Variants in ZDHHC11 observed in about 807,000 individuals in gnomAD.
ZDHHC11 encodes palmitoyltransferase ZDHHC11.
ZDHHC11 carries 44 observed loss-of-function variants against 51.3 expected under a neutral mutation model. The ratio of observed to expected loss-of-function variants is 0.86; its 90% CI spans 0.67 to 1.10. The LOEUF is 1.10. ZDHHC11 is among the 50% of genes least tolerant of loss of function. ZDHHC11 has a pLI of 0.00. For missense variants in ZDHHC11, 400 were observed against 537.7 expected (o/e 0.74, Z 2.53); for synonymous variants, 163 against 222.0 (o/e 0.73, Z 2.36).
intron 8 of ZDHHC11, among the ~76,000 whole-genome samples, chr5:822,961 G>A (rs1235032500): frequency 5.8e-4 from 87 of 150,104 alleles, no homozygotes; most frequent in Non-Finnish European, 9.7e-4. Flanking sequence ...GGTGAAGAAC[G>A]TGTTCAATCT....
intron 11 of ZDHHC11, among the ~76,000 whole-genome samples, chr5:808,725 T>G (rs1739651192): frequency 6.9e-6 from 1 of 144,414 alleles, no homozygotes; most frequent in African/African-American, 2.6e-5. Flanking sequence ...TTTGAGACAG[T>G]CTTGCTCTGT....
chr5:837,033 G>A (rs936017074), intron 6 of ZDHHC11, among the ~76,000 whole-genome samples: 7 of 151,470 alleles, frequency 4.6e-5, no homozygotes, highest in African/African-American at 1.7e-4. Context: ...CTCCACCCTG[G>A]GCAACAGAGC....
At chr5:822,288 G>C (rs569094023) in intron 8 of ZDHHC11, among the ~76,000 whole-genome samples, 1 of 151,212 alleles carries the variant, frequency 6.6e-6, no homozygotes, top group South Asian at 2.1e-4. Context: ...GACTGTGAGA[G>C]GACACAGAGA....
intron 8 of ZDHHC11, chr5:823,667 G>C (rs1178082625): frequency 5.2e-6 from 1 of 190,874 alleles, no homozygotes; most frequent in African/African-American, 2.3e-5. Flanking sequence ...TCATAGGATT[G>C]TCCTGGAGCC....
At position 820,362 on chromosome 5, in the gene ZDHHC11, A is replaced by G. The variant is rs151037183; in HGVS notation, c.1059-750T>C. Among the ~76,000 whole-genome samples the G allele has an allele frequency of 7.0e-4, 106 of 151,708 alleles. 1 individual carries two copies. Among genetic ancestry groups the G allele is most frequent in the African/African-American group, 2.5e-3 (103 of 41,436 alleles). Reference sequence around the variant, plus strand: ...ATGAACTTTTCCCAGTAAGCCATACACCTTGACTGCTGAACTAAGCAAAAG... The same window carrying G: ...ATGAACTTTTCCCAGTAAGCCATACGCCTTGACTGCTGAACTAAGCAAAAG... On this transcript the variant is annotated intron_variant, in intron 9 of 12. Coordinates refer to ENST00000283441, the MANE Select transcript of ZDHHC11 (RefSeq NM_024786.3).
chr5:805,686 C>T (rs1739141676), intron 11 of ZDHHC11, among the ~76,000 whole-genome samples: 1 of 151,166 alleles, frequency 6.6e-6, no homozygotes, highest in African/African-American at 2.4e-5. Flanking sequence ...TCAGTAATTA[C>T]TTTAAACATT....
intron 11 of ZDHHC11, among the ~76,000 whole-genome samples, chr5:813,121 G>T (rs1181613841): frequency 6.9e-6 from 1 of 145,120 alleles, no homozygotes; most frequent in Non-Finnish European, 1.5e-5. Context: ...CAAATCGCTT[G>T]AGCTCAGGAG....
intron 6 of ZDHHC11, among the ~76,000 whole-genome samples, chr5:834,301 A>G (rs1284488652): frequency 6.6e-6 from 1 of 152,296 alleles, no homozygotes. Flanking sequence ...ATCTACATCT[A>G]CCTTGGTAAG....
At chr5:845,696 C>T (rs1215105168) in intron 3 of ZDHHC11, among the ~76,000 whole-genome samples, 1 of 151,950 alleles carries the variant, frequency 6.6e-6, no homozygotes, top group Non-Finnish European at 1.5e-5. Flanking sequence ...GCCATCAGCT[C>T]CTCAACTTTC....
intron 10 of ZDHHC11, chr5:816,336 A>G (rs1346871647): frequency 5.9e-6 from 2 of 338,992 alleles, no homozygotes; most frequent in Non-Finnish European, 1.1e-5. Context: ...GGAGACTCAG[A>G]GGCGGACAGA....
chr5:857,243 G>A (rs1245145245), intron 1 of ZDHHC11, among the ~76,000 whole-genome samples: 1 of 152,178 alleles, frequency 6.6e-6, no homozygotes, highest in African/African-American at 2.4e-5. Context: ...CCAGCACCGG[G>A]GCCTGCAGCG....
At chr5:833,303 G>A (rs1743304997) in intron 7 of ZDHHC11, among the ~76,000 whole-genome samples, 1 of 151,522 alleles carries the variant, frequency 6.6e-6, no homozygotes, top group Non-Finnish European at 1.5e-5. Context: ...AACCCTGTTT[G>A]TGAAGCCAGC....
chr5:851,387 G>A (rs1391320610), upstream of ZDHHC11, among the ~76,000 whole-genome samples: 1 of 151,002 alleles, frequency 6.6e-6, no homozygotes, highest in Non-Finnish European at 1.5e-5. Flanking sequence ...GGCAGTGAAA[G>A]ACACTCAACG....
chr5:859,458 A>C (rs1337095167), upstream of ZDHHC11, among the ~76,000 whole-genome samples: 1 of 152,128 alleles, frequency 6.6e-6, no homozygotes, highest in Non-Finnish European at 1.5e-5. Flanking sequence ...CCCTAAAAAA[A>C]AACACCTAAA....
In ZDHHC11 at chr5:825,513, G is replaced by A. The variant is rs183778351; in HGVS notation, c.936-262C>T. ...AAAGCAGTCCCTCCACCCACCGTGT[G>A]AGACCTGCCCTACACCAGTGCCTAA... is the stretch of plus-strand genomic sequence containing the variant. On this transcript the variant is annotated intron_variant, in intron 7 of 12. Coordinates refer to ENST00000283441, the MANE Select transcript of ZDHHC11 (RefSeq NM_024786.3). 2.4e-4 allele frequency among the ~76,000 whole-genome samples: 37 copies of A among 152,240 alleles called. 1 individual carries two copies. In the East Asian group the frequency reaches 5.2e-3, roughly 21 times the overall value.
chr5:850,683 G>T lies in ZDHHC11; in HGVS notation c.-81C>A. Reference sequence around the variant, plus strand: ...CGCCCACTGTCACAGAGACCAAGGGGACTGGGAATGCAGCCGCCAGGACCA... The same window carrying T: ...CGCCCACTGTCACAGAGACCAAGGGTACTGGGAATGCAGCCGCCAGGACCA... On this transcript the variant is annotated 5_prime_UTR_variant, in exon 1 of 13. Transcript: ENST00000283441. 3 of 1,533,980 alleles carry T rather than the reference G, an allele frequency of 2.0e-6. No individual in the cohort carries two copies. Among genetic ancestry groups the T allele is most frequent in the Admixed American group, 1.8e-5 (1 of 56,148 alleles).
chr5:812,663 T>C (rs1460172417), intron 11 of ZDHHC11, among the ~76,000 whole-genome samples: 1 of 151,490 alleles, frequency 6.6e-6, no homozygotes, highest in Non-Finnish European at 1.5e-5. Flanking sequence ...AAAATGCAAA[T>C]GCCCTTTGAC....
chr5:834,313 A>G (rs1743487655), intron 6 of ZDHHC11, among the ~76,000 whole-genome samples: 1 of 152,302 alleles, frequency 6.6e-6, no homozygotes, highest in African/African-American at 2.4e-5. Context: ...CTTGGTAAGG[A>G]GTTTGTTCAA....
At chr5:807,244 C>T (rs1355464679) in intron 11 of ZDHHC11, among the ~76,000 whole-genome samples, 1 of 83,876 alleles carries the variant, frequency 1.2e-5, no homozygotes, top group Non-Finnish European at 2.9e-5. Context: ...CACACAATGC[C>T]CTTTCTGTTA....
Sources: allele counts gnomAD v4.1 joint callset (sites outside exome capture counted in the v4.1 genomes callset), GRCh38; gene constraint gnomAD v4.1.1; transcripts MANE v1.5; gene names NCBI Gene and HGNC (gene_info 2026-07-23, HGNC 2026-07-21).